CAMKK1: variants seen among roughly 807,000 people sequenced by gnomAD.
CAMKK1 encodes the protein calcium/calmodulin dependent protein kinase kinase 1.
A neutral mutation model predicts 63.5 loss-of-function variants in CAMKK1; 20 were observed. The ratio of observed to expected loss-of-function variants is 0.32; its 90% CI spans 0.22 to 0.46. The LOEUF is 0.46. CAMKK1 is among the 20% of genes least tolerant of loss of function. The pLI, the probability that CAMKK1 is intolerant of heterozygous loss-of-function variation, is 1.00. For synonymous variants in CAMKK1, 253 were observed against 269.0 expected, an observed-to-expected ratio of 0.94 and a Z score of 0.58; for missense variants, 588 against 658.1, an observed-to-expected ratio of 0.89 and a Z score of 1.17.
rs978819412 is a variant in CAMKK1 at position 3,860,666 on chromosome 17, G to T, written c.*1545C>A. ...CGGGCCACACTGCCTTAGCCCAGAGGAGCCGGGGAGAAACGTGGACCCACT... is the reference window on the plus strand; with the variant it reads ...CGGGCCACACTGCCTTAGCCCAGAGTAGCCGGGGAGAAACGTGGACCCACT... On this transcript the variant is annotated 3_prime_UTR_variant, in exon 16 of 16. Coordinates refer to ENST00000348335, the MANE Select transcript of CAMKK1 (RefSeq NM_032294.3). The T allele has an allele frequency of 2.6e-5, 4 of 152,234 alleles. No individual in the cohort carries two copies. Among genetic ancestry groups the T allele is most frequent in the Non-Finnish European group, 5.9e-5 (4 of 68,042 alleles). The allele number at this position is 152,234 out of a possible 1,614,324, so 9.4% of individuals were successfully genotyped here.
chr17:3,865,823 G>A (rs1293842596), intron 15 of CAMKK1, 85 bp downstream of exon 15: 38 of 1,580,738 alleles, frequency 2.4e-5, no homozygotes, highest in Non-Finnish European at 2.9e-5. Context: ...TTGGCCCAAC[G>A]ACAGTGAGAG....
chr17:3,870,446 A>G (rs1347320574), intron 12 of CAMKK1, among the ~76,000 whole-genome samples: 1 of 151,826 alleles, frequency 6.6e-6, no homozygotes, highest in Non-Finnish European at 1.5e-5. Context: ...GCTCACTGCA[A>G]GCTCCGCCTC....
In CAMKK1 at chr17:3,862,540, C is replaced by T. The variant is rs898903160; in HGVS notation, c.1446-257G>A. 7.9e-5 allele frequency among the ~76,000 whole-genome samples: 12 copies of T among 152,126 alleles called. No individual in the cohort carries two copies. Among genetic ancestry groups the T allele is most frequent in the Non-Finnish European group, 1.8e-4 (12 of 68,024 alleles). ...GAGATGAAGTCTAAACCTCCCAGCA[C>T]GGCCTCTGGAGCTGCTCACAGTCTG... On this transcript the variant is annotated intron_variant, in intron 15 of 15. Coordinates refer to ENST00000348335, the MANE Select transcript of CAMKK1 (RefSeq NM_032294.3). This position sits in a 1 kb window ranked among gnomAD's most constrained non-coding sequence, Gnocchi z 4.1.
intron 15 of CAMKK1, chr17:3,865,464 C>A (rs561310743): frequency 9.9e-7 from 1 of 1,005,684 alleles, no homozygotes; most frequent in East Asian, 9.8e-5. Flanking sequence ...GGCAGAGGGG[C>A]CAGCACCCCT....
rs754825857 is a variant in CAMKK1, at chr17:3,883,930, T to C, written c.416A>G (p.Tyr139Cys). The C allele has an allele frequency of 3.7e-6, 6 of 1,613,636 alleles. No individual in the cohort carries two copies. The highest frequency in any genetic ancestry group is 5.1e-6 in the Non-Finnish European group (6 of 1,179,904). ...KLQSEIGKGA[Y>C]GVVRLAYNES... Reference sequence around the variant, plus strand: ...GTTGTAGGCCAGCCTCACCACACCGTAGGCACCCTGCAGATAGGCATCAGT... The same window carrying C: ...GTTGTAGGCCAGCCTCACCACACCGCAGGCACCCTGCAGATAGGCATCAGT... Residue 139 changes from tyrosine (Y) to cysteine (C), a missense_variant, in exon 4 of 16, where the codon TAC (tyrosine) becomes TGC (cysteine). Transcript: ENST00000348335. This position sits in a 1 kb window ranked among gnomAD's most constrained non-coding sequence, Gnocchi z 4.7.
intron 14 of CAMKK1, among the ~76,000 whole-genome samples, chr17:3,868,736 TC>T (rs1426712563): frequency 6.6e-6 from 1 of 151,830 alleles, no homozygotes; most frequent in Admixed American, 6.6e-5. Context: ...CACTACAACC[TC>T]CACCTCCCAG....
intron 14 of CAMKK1, among the ~76,000 whole-genome samples, chr17:3,868,189 G>A (rs1397264451): frequency 9.6e-4 from 4 of 4,174 alleles, no homozygotes; most frequent in Non-Finnish European, 1.2e-3. Flanking sequence ...AGAAGCAGGC[G>A]CCGTCTAACT....
At chr17:3,866,722 C>A (rs1273748659) in intron 14 of CAMKK1, among the ~76,000 whole-genome samples, 2 of 113,518 alleles carry the variant, frequency 1.8e-5, no homozygotes, top group Non-Finnish European at 3.9e-5. Flanking sequence ...CCTCATATAG[C>A]CTTTTTTTTT....
Position 3,878,069 on chromosome 17 carries a change from T to C in CAMKK1, c.797-1647A>G, listed in dbSNP as rs1010558023. On this transcript the variant is annotated intron_variant, in intron 9 of 15. Coordinates refer to ENST00000348335, the MANE Select transcript of CAMKK1 (RefSeq NM_032294.3). The stretch of plus-strand genomic sequence containing the variant: ...CTTCAGGATCATCCTCAATTCCTCC[T>C]CTGAGACCCCACATCCTGCTCATCA... 7.9e-5 allele frequency among the ~76,000 whole-genome samples: 12 copies of C among 152,272 alleles called. No individual in the cohort carries two copies. The East Asian group carries it at 2.3e-3, about 29-fold the overall frequency.
Position 3,862,095 on chromosome 17 carries a change from G to A in CAMKK1, c.*116C>T, listed in dbSNP as rs149926492. ...ATGCAGCACGATGGGGGAGGGGCGG[G>A]AGTGGGGCTGCAGTCCCCAGCCCCC... On this transcript the variant is annotated 3_prime_UTR_variant, in exon 16 of 16. Coordinates refer to ENST00000348335, the MANE Select transcript of CAMKK1 (RefSeq NM_032294.3). This position sits in a 1 kb window ranked among gnomAD's most constrained non-coding sequence, Gnocchi z 4.1. 920 of 747,852 alleles carry A rather than the reference G, an allele frequency of 1.2e-3. 5 individuals are homozygous for A. Among genetic ancestry groups the A allele is most frequent in the African/African-American group, 0.011 (640 of 57,566 alleles). 46.3% of individuals were successfully genotyped at this position (747,852 alleles called of 1,614,324 possible).
In CAMKK1 at chr17:3,867,331, G is replaced by A. The variant is rs116110650; in HGVS notation, c.1342-1320C>T. On this transcript the variant is annotated intron_variant, in intron 14 of 15. Coordinates refer to ENST00000348335, the MANE Select transcript of CAMKK1 (RefSeq NM_032294.3). Reference sequence around the variant, plus strand: ...CCTTCCATGGCACGTGGCCAGAGACGAGTGCATGATGGCGGGACGGTGCAC... The same window carrying A: ...CCTTCCATGGCACGTGGCCAGAGACAAGTGCATGATGGCGGGACGGTGCAC... Among the ~76,000 whole-genome samples, 529 of 152,338 alleles carry A rather than the reference G, an allele frequency of 3.5e-3. 5 individuals carry two copies. The highest frequency in any genetic ancestry group is 0.012 in the African/African-American group (486 of 41,570).
Position 3,883,412 on chromosome 17 carries a change from G to C in CAMKK1, c.514+17C>G. The C allele has an allele frequency of 6.2e-7, 1 of 1,611,240 alleles. No homozygotes were observed. Among genetic ancestry groups the C allele is most frequent in the Non-Finnish European group, 8.5e-7 (1 of 1,177,370 alleles). On this transcript the variant is annotated intron_variant, in intron 5 of 15. Coordinates refer to ENST00000348335, the MANE Select transcript of CAMKK1 (RefSeq NM_032294.3). The surrounding 1 kb of genome is among the most constrained non-coding windows in gnomAD (Gnocchi z 4.7). The stretch of plus-strand genomic sequence containing the variant: ...CCAGGCTAGGAGCTCCCAGGGACAG[G>C]ATCAGAAGATACATACGTGGAAAGC...
intron 14 of CAMKK1, among the ~76,000 whole-genome samples, chr17:3,867,504 T>C (rs973128186): frequency 3.9e-5 from 6 of 152,122 alleles, no homozygotes; most frequent in Non-Finnish European, 8.8e-5. Context: ...GAGTTGAGCA[T>C]TGACCAGGGG....
chr17:3,882,379 G>A lies in CAMKK1; in HGVS notation c.685+149C>T. 1 of 1,606,772 alleles carries A rather than the reference G, an allele frequency of 6.2e-7. No individual in the cohort carries two copies. The highest frequency in any genetic ancestry group is 8.5e-7 in the Non-Finnish European group (1 of 1,173,460). On this transcript the variant is annotated intron_variant, in intron 7 of 15. Coordinates refer to ENST00000348335, the MANE Select transcript of CAMKK1 (RefSeq NM_032294.3). The surrounding 1 kb of genome is among the most constrained non-coding windows in gnomAD (Gnocchi z 4.3). ...GGCCTGGTTCTGCAGGGCTGGGCAAGGGAATCCAGGGCTTCAGAACGTGTG... is the reference window on the plus strand; with the variant it reads ...GGCCTGGTTCTGCAGGGCTGGGCAAAGGAATCCAGGGCTTCAGAACGTGTG...
At chr17:3,865,832 A>T (rs2054496506) in intron 15 of CAMKK1, 76 bp downstream of exon 15, 2 of 1,593,264 alleles carry the variant, frequency 1.3e-6, no homozygotes. Context: ...CGACAGTGAG[A>T]GTGGGAGGAT....
chr17:3,881,956 G>A (rs1252049825), intron 7 of CAMKK1: 1 of 536,334 alleles, frequency 1.9e-6, no homozygotes, highest in Non-Finnish European at 3.3e-6. Context: ...TAGCAGACAG[G>A]CAGGTAGGGT....
rs1278024709 is a variant in CAMKK1 at position 3,890,283 on chromosome 17, A to G, written c.-44+2656T>C. On this transcript the variant is annotated intron_variant, in intron 1 of 15. Coordinates refer to ENST00000348335, the MANE Select transcript of CAMKK1 (RefSeq NM_032294.3). This position sits in a 1 kb window ranked among gnomAD's most constrained non-coding sequence, Gnocchi z 6.5. Reference sequence around the variant, plus strand: ...ATGCTTGACGACTCCTGCTGTGAGGACGCCCGCTCCCACCATCCCTGGGGA... The same window carrying G: ...ATGCTTGACGACTCCTGCTGTGAGGGCGCCCGCTCCCACCATCCCTGGGGA... 1.3e-5 allele frequency among the ~76,000 whole-genome samples: 2 copies of G among 151,920 alleles called. No individual in the cohort carries two copies. The highest frequency in any genetic ancestry group is 2.4e-5 in the African/African-American group (1 of 41,316).
At position 3,862,165 on chromosome 17, in the gene CAMKK1, C is replaced by T. The variant is rs755742233; in HGVS notation, c.*46G>A. On this transcript the variant is annotated 3_prime_UTR_variant, in exon 16 of 16. Coordinates refer to ENST00000348335, the MANE Select transcript of CAMKK1 (RefSeq NM_032294.3). The surrounding 1 kb of genome is among the most constrained non-coding windows in gnomAD (Gnocchi z 4.1). ...TGCATGAGGGGTGGGCCTCTGGAGG[C>T]GCGGGATGAGTGTGCTGCCGGGTGG... 22 of 1,510,544 alleles carry T rather than the reference C, an allele frequency of 1.5e-5. No individual in the cohort carries two copies. In the Admixed American group the frequency reaches 2.5e-4, roughly 17 times the overall value. 93.6% of individuals were successfully genotyped at this position (1,510,544 alleles called of 1,614,324 possible). A position where few individuals can be genotyped will look rare whatever the true frequency, so the allele number is the denominator to read the frequency against.
rs927133609 is a variant in CAMKK1 at position 3,889,486 on chromosome 17, C to T, written c.-44+3453G>A. On this transcript the variant is annotated intron_variant, in intron 1 of 15. Transcript: ENST00000348335. The surrounding 1 kb of genome is among the most constrained non-coding windows in gnomAD (Gnocchi z 5.2). ...GGATCTGCTGCCTCGGACAAGTCATCGAGCCTCTTGGAGCCTCTGTTTCCT... is the reference window on the plus strand; with the variant it reads ...GGATCTGCTGCCTCGGACAAGTCATTGAGCCTCTTGGAGCCTCTGTTTCCT... Among the ~76,000 whole-genome samples the T allele has an allele frequency of 2.6e-5, 4 of 152,010 alleles. No homozygotes were observed. The highest frequency in any genetic ancestry group is 4.8e-5 in the African/African-American group (2 of 41,374).
Sources: allele counts gnomAD v4.1 joint callset (sites outside exome capture counted in the v4.1 genomes callset), GRCh38; gene constraint gnomAD v4.1.1; non-coding constraint Gnocchi (gnomAD v3.1); transcripts MANE v1.5; gene names NCBI Gene and HGNC (gene_info 2026-07-23, HGNC 2026-07-21).